Variants in RALYL observed in about 807,000 individuals in gnomAD.
RALYL encodes RALY RNA binding protein like, also known as RNA-binding Raly-like protein.
RALYL carries 29 observed loss-of-function variants against 35.1 expected under a neutral mutation model. That is an observed-to-expected ratio of 0.83 (90% CI 0.61 to 1.13). The LOEUF is 1.13. Ranked by LOEUF, RALYL falls within the 50% of genes most tolerant of loss-of-function variation. RALYL has a pLI of 0.00. For synonymous variants in RALYL, 120 were observed against 127.6 expected (o/e 0.94, Z 0.40); for missense variants, 359 against 360.4 (o/e 1.00, Z 0.03).
At chr8:84,482,970 A>T (rs1335541709) in intron 1 of RALYL, among the ~76,000 whole-genome samples, 1 of 152,120 alleles carries the variant, frequency 6.6e-6, no homozygotes, top group Non-Finnish European at 1.5e-5. Flanking sequence ...TATAAAAATT[A>T]TGCTTAGTAC....
intron 1 of RALYL, among the ~76,000 whole-genome samples, chr8:84,488,881 G>A (rs909574050): frequency 3.3e-5 from 5 of 151,970 alleles, no homozygotes; most frequent in Non-Finnish European, 7.4e-5. Flanking sequence ...TTTACAAATA[G>A]CATGTGTGTT....
At chr8:84,325,882 C>T (rs1168344541) in intron 1 of RALYL, among the ~76,000 whole-genome samples, 2 of 152,132 alleles carry the variant, frequency 1.3e-5, no homozygotes, top group African/African-American at 4.8e-5. Flanking sequence ...GTAATTCTTA[C>T]ACTTTGGGAG....
intron 2 of RALYL, among the ~76,000 whole-genome samples, chr8:84,662,436 C>T (rs1417276347): frequency 6.6e-6 from 1 of 152,030 alleles, no homozygotes; most frequent in Non-Finnish European, 1.5e-5. Flanking sequence ...GAAATTAAGA[C>T]ATCATTTTAA....
At chr8:84,753,456 G>A (rs188744339) in intron 2 of RALYL, among the ~76,000 whole-genome samples, 99 of 152,248 alleles carry the variant, frequency 6.5e-4, no homozygotes, top group Middle Eastern at 3.4e-3. Context: ...GTGAGGTTGT[G>A]AGATTTGGGA....
chr8:84,223,081 GCCTTTCCTTTCCTTTCCTTT>G (rs767992068), intron 1 of RALYL, among the ~76,000 whole-genome samples: 3,537 of 52,246 alleles, frequency 0.068, 108 homozygotes, highest in Non-Finnish European at 0.077. Context: ...CCTTTGCCCT[GCCTTTCCTTTCCTTTCCTTT>G]CCTTTCCTTT....
intron 1 of RALYL, among the ~76,000 whole-genome samples, chr8:84,301,148 T>C (rs1840700383): frequency 6.6e-6 from 1 of 152,018 alleles, no homozygotes; most frequent in Non-Finnish European, 1.5e-5. Context: ...GAAGCTTAAT[T>C]TGGCTGTATA....
intron 3 of RALYL, among the ~76,000 whole-genome samples, chr8:84,781,218 G>A (rs764115116): frequency 3.9e-5 from 6 of 152,048 alleles, no homozygotes; most frequent in Non-Finnish European, 8.8e-5. Flanking sequence ...ATCTCACACA[G>A]TCAACTAAAC....
chr8:84,864,810 G>T, intron 6 of RALYL: 1 of 613,014 alleles, frequency 1.6e-6, no homozygotes, highest in Non-Finnish European at 3.1e-6. Context: ...CAGAGCTTCT[G>T]TGTAGTAGTC....
intron 2 of RALYL, among the ~76,000 whole-genome samples, chr8:84,746,417 A>G (rs1476495115): frequency 1.3e-5 from 2 of 152,010 alleles, no homozygotes; most frequent in African/African-American, 4.8e-5. Flanking sequence ...GATTCATGTC[A>G]GAAAATTTTG....
At chr8:84,585,002 A>C (rs1373725710) in intron 2 of RALYL, among the ~76,000 whole-genome samples, 1 of 152,192 alleles carries the variant, frequency 6.6e-6, no homozygotes, top group Non-Finnish European at 1.5e-5. Flanking sequence ...AGGGTAATGC[A>C]ACCCTTGTTT....
At position 84,915,436 on chromosome 8, in the gene RALYL, T is replaced by A. The variant is rs1456391966; in HGVS notation, c.859-5458T>A. 3.3e-5 allele frequency among the ~76,000 whole-genome samples: 5 copies of A among 152,094 alleles called. No homozygotes were observed. The South Asian group carries it at 1.0e-3, about 32-fold the overall frequency. Reference sequence around the variant, plus strand: ...ATACCTCTCACATTCTGCCTGGCTATCTTACTGATCGTCATACTCTCTAGA... The same window carrying A: ...ATACCTCTCACATTCTGCCTGGCTAACTTACTGATCGTCATACTCTCTAGA... On this transcript the variant is annotated intron_variant, in intron 8 of 8. Coordinates refer to ENST00000521268, the MANE Select transcript of RALYL (RefSeq NM_173848.7).
chr8:84,543,056 T>G (rs192157651), intron 2 of RALYL, among the ~76,000 whole-genome samples: 124 of 152,284 alleles, frequency 8.1e-4, no homozygotes, highest in African/African-American at 2.9e-3. Context: ...TATTGCATCC[T>G]TCTGGTATCA....
chr8:84,345,135 C>G (rs1164129609), intron 1 of RALYL, among the ~76,000 whole-genome samples: 2 of 150,324 alleles, frequency 1.3e-5, no homozygotes, highest in Non-Finnish European at 3.0e-5. Flanking sequence ...ATACAGTTTC[C>G]CATAATGGCC....
chr8:84,877,894 T>C, intron 7 of RALYL, among the ~76,000 whole-genome samples: 1 of 152,170 alleles, frequency 6.6e-6, no homozygotes, highest in East Asian at 1.9e-4. Flanking sequence ...TCAGATTGAA[T>C]TGGTGATGCT....
intron 1 of RALYL, among the ~76,000 whole-genome samples, chr8:84,264,870 T>G (rs1043121505): frequency 1.3e-5 from 2 of 152,206 alleles, no homozygotes; most frequent in African/African-American, 4.8e-5. Context: ...ATGAATTGAT[T>G]TACATGATGT....
intron 2 of RALYL, among the ~76,000 whole-genome samples, chr8:84,764,907 G>T (rs999890487): frequency 1.1e-4 from 17 of 152,132 alleles, no homozygotes; most frequent in Non-Finnish European, 2.9e-5. Flanking sequence ...TAGAAGATTG[G>T]CTCCAATCTC....
At chr8:84,669,930 T>C (rs1832883860) in intron 2 of RALYL, among the ~76,000 whole-genome samples, 1 of 152,230 alleles carries the variant, frequency 6.6e-6, no homozygotes, top group African/African-American at 2.4e-5. Flanking sequence ...CAAGTGCGCA[T>C]TTCAACCGAT....
intron 1 of RALYL, among the ~76,000 whole-genome samples, chr8:84,192,825 G>C (rs1052192727): frequency 4.1e-5 from 6 of 146,732 alleles, no homozygotes; most frequent in African/African-American, 1.5e-4. Flanking sequence ...CAAACTGCTG[G>C]AATCACCGTG....
At chr8:84,632,379 A>G (rs1308895302) in intron 2 of RALYL, among the ~76,000 whole-genome samples, 1 of 152,010 alleles carries the variant, frequency 6.6e-6, no homozygotes, top group Non-Finnish European at 1.5e-5. Context: ...TTTTTTTCCA[A>G]CTAAATATTT....
Sources: allele counts gnomAD v4.1 joint callset (sites outside exome capture counted in the v4.1 genomes callset), GRCh38; gene constraint gnomAD v4.1.1; transcripts MANE v1.5; gene names NCBI Gene and HGNC (gene_info 2026-07-23, HGNC 2026-07-21).